Variants in BCLAF1 observed in about 807,000 individuals in gnomAD.
BCLAF1 encodes bcl-2-associated transcription factor 1.
A neutral mutation model predicts 99.5 loss-of-function variants in BCLAF1; 10 were observed. The observed-to-expected ratio is 0.10, with a 90% CI of 0.06 to 0.17. The LOEUF (loss-of-function observed/expected upper bound fraction) is 0.17. Among genes scored for constraint, BCLAF1 ranks in the 10% least tolerant of loss-of-function variants. The probability of loss-of-function intolerance (pLI) is 1.00; values close to 1 mark genes in which losing one functional copy is unlikely to be tolerated. For missense variants in BCLAF1, 636 were observed against 1,105.8 expected, an observed-to-expected ratio of 0.58 and a Z score of 6.02; for synonymous variants, 255 against 370.9, an observed-to-expected ratio of 0.69 and a Z score of 3.59.
chr6:136,269,024 T>G, intron 9 of BCLAF1: 1 of 759,860 alleles, frequency 1.3e-6, no homozygotes, highest in Non-Finnish European at 1.7e-6. Context: ...TTTCTAGTCC[T>G]TCCTCCCCCC....
Position 136,276,136 on chromosome 6 carries a change from C to T in BCLAF1, c.1389G>A (p.Glu463=), listed in dbSNP as rs762120986. 6.2e-7 allele frequency: 1 copy of T among 1,613,240 alleles called. No individual in the cohort carries two copies. The highest frequency in any genetic ancestry group is 1.1e-5 in the South Asian group (1 of 90,884). ...TAGGCCTTTCCACTACATATCCAGTCTCTTTAAGTTTATAATTTTTTTCTT... is the reference window on the plus strand; with the variant it reads ...TAGGCCTTTCCACTACATATCCAGTTTCTTTAAGTTTATAATTTTTTTCTT... ...FREEKNYKLK[E]TGYVVERPST... Residue 463 remains glutamate (E), a synonymous_variant, in exon 5 of 13, where the codon GAG becomes GAA. Transcript: ENST00000531224.
chr6:136,279,125 C>T (rs908782855), intron 3 of BCLAF1, among the ~76,000 whole-genome samples: 26 of 151,872 alleles, frequency 1.7e-4, no homozygotes, highest in African/African-American at 6.0e-4. Context: ...TATTTAATGG[C>T]ATGGCATAAT....
intron 11 of BCLAF1, among the ~76,000 whole-genome samples, chr6:136,263,498 C>A (rs1372028481): frequency 6.6e-6 from 1 of 152,024 alleles, no homozygotes; most frequent in East Asian, 1.9e-4. Context: ...AGTTTTATAT[C>A]GAAGATTTCA....
intron 2 of BCLAF1, among the ~76,000 whole-genome samples, chr6:136,281,664 C>A (rs991862026): frequency 6.6e-6 from 1 of 152,182 alleles, no homozygotes; most frequent in Non-Finnish European, 1.5e-5. Flanking sequence ...TTGTACTAAT[C>A]AGTAAATAAA....
At chr6:136,270,336 C>A (rs1183248227) in intron 8 of BCLAF1, 1 of 151,748 alleles carries the variant, frequency 6.6e-6, no homozygotes, top group Non-Finnish European at 1.5e-5. Flanking sequence ...CTTCTTGTTC[C>A]ATTGCTTTTT....
Position 136,279,841 on chromosome 6 carries a change from T to C in BCLAF1, c.26A>G (p.His9Arg), listed in dbSNP as rs370466556. The change falls in exon 3 of 13, where the codon CAT becomes CGT. Residue 9 changes from histidine to arginine, a missense_variant. His to Arg is a conservative substitution (Grantham distance 29, BLOSUM62 0). Around this residue, in one of 9 missense-constraint regions of BCLAF1, gnomAD observed 81 missense variants for 132.5 expected, o/e 0.61. Coordinates refer to ENST00000531224, the MANE Select transcript of BCLAF1 (RefSeq NM_014739.3). MGRSNSRS[H>R]SSRSKSRSQS... is the part of the protein sequence containing the mutation. ...TGATCTAGACTTTGACCTTGAAGAATGTGATCTAGAATTGGAGCGACCCAT... is the reference window on the plus strand; with the variant it reads ...TGATCTAGACTTTGACCTTGAAGAACGTGATCTAGAATTGGAGCGACCCAT... The C allele has an allele frequency of 6.4e-7, 1 of 1,560,668 alleles. No individual in the cohort carries two copies. The highest frequency in any genetic ancestry group is 1.4e-5 in the African/African-American group (1 of 73,890).
At chr6:136,269,384 TA>T in intron 9 of BCLAF1, 52 bp downstream of exon 9, 1 of 1,578,950 alleles carries the variant, frequency 6.3e-7, no homozygotes, top group Non-Finnish European at 8.6e-7. Context: ...AGCTGACAAT[TA>T]TTAAAGGCTA....
intron 8 of BCLAF1, among the ~76,000 whole-genome samples, chr6:136,270,836 C>T (rs928497061): frequency 1.4e-4 from 21 of 151,780 alleles, no homozygotes; most frequent in African/African-American, 4.8e-4. Flanking sequence ...ACTGTCAGAG[C>T]ACGAGGACAG....
chr6:136,286,735 A>C (rs1785182625), intron 1 of BCLAF1, among the ~76,000 whole-genome samples: 2 of 152,176 alleles, frequency 1.3e-5, no homozygotes, highest in Non-Finnish European at 1.5e-5. Flanking sequence ...TGGGAGGGCG[A>C]GGCGGGCGGA....
At chr6:136,270,839 G>C (rs1216769420) in intron 8 of BCLAF1, among the ~76,000 whole-genome samples, 1 of 151,746 alleles carries the variant, frequency 6.6e-6, no homozygotes, top group African/African-American at 2.4e-5. Context: ...GTCAGAGCAC[G>C]AGGACAGACT....
intron 6 of BCLAF1, chr6:136,273,935 G>C (rs1044751518): frequency 5.2e-6 from 6 of 1,154,662 alleles, no homozygotes; most frequent in South Asian, 3.4e-5. Context: ...CTGCTTAACA[G>C]GTCAACATAC....
At chr6:136,269,124 C>T (rs776889159) in intron 9 of BCLAF1, 202 of 1,188,106 alleles carry the variant, frequency 1.7e-4, no homozygotes, top group Non-Finnish European at 2.0e-4. Flanking sequence ...TCAAGCATAA[C>T]GAACCAAAGT....
intron 1 of BCLAF1, among the ~76,000 whole-genome samples, chr6:136,288,185 G>C (rs1183392800): frequency 6.6e-6 from 1 of 152,152 alleles, no homozygotes; most frequent in Non-Finnish European, 1.5e-5. Flanking sequence ...AGATATTTCA[G>C]TATTCACCAC....
rs1780856215 is a variant in BCLAF1 at position 136,260,758 on chromosome 6, A to T, written c.*352T>A. ...GTAGAGCTAACGTTTACTTCAGAAT[A>T]AAACATTGACAAACAGGGAAGGAAG... is the stretch of plus-strand genomic sequence containing the variant. On this transcript the variant is annotated 3_prime_UTR_variant, in exon 13 of 13. Coordinates refer to ENST00000531224, the MANE Select transcript of BCLAF1 (RefSeq NM_014739.3). 8.8e-6 allele frequency: 3 copies of T among 341,134 alleles called. No individual in the cohort carries two copies. 21.1% of individuals were successfully genotyped at this position (341,134 alleles called of 1,614,324 possible). A position where few individuals can be genotyped will look rare whatever the true frequency, so the allele number is the denominator to read the frequency against.
chr6:136,276,576 A>T, intron 4 of BCLAF1, 68 bp from the exon 5 acceptor site: 1 of 1,490,344 alleles, frequency 6.7e-7, no homozygotes, highest in East Asian at 2.3e-5. Context: ...TCCATATTTA[A>T]ATGTGTTGCC....
chr6:136,260,370 A>C lies in BCLAF1; in HGVS notation c.*740T>G, dbSNP rs530859476. On this transcript the variant is annotated 3_prime_UTR_variant, in exon 13 of 13. Coordinates refer to ENST00000531224, the MANE Select transcript of BCLAF1 (RefSeq NM_014739.3). ...GCTAATATCTAAGACCATGACTCAAACTATCAAATAGGAATAGAAAGAGAA... is the reference window on the plus strand; with the variant it reads ...GCTAATATCTAAGACCATGACTCAACCTATCAAATAGGAATAGAAAGAGAA... 1 of 152,158 alleles carries C rather than the reference A, an allele frequency of 6.6e-6. No homozygotes were observed. Among genetic ancestry groups the C allele is most frequent in the East Asian group, 1.9e-4 (1 of 5,184 alleles). The allele number at this position is 152,158 out of a possible 1,614,324, so 9.4% of individuals were successfully genotyped here.
chr6:136,271,822 T>G lies in BCLAF1; in HGVS notation c.2043+173A>C, dbSNP rs1403509821. Reference sequence around the variant, plus strand: ...TGGTTTAAATTTAAGACACTTAGTATAGTGTCACCTTAATTTCTTCCAGGA... The same window carrying G: ...TGGTTTAAATTTAAGACACTTAGTAGAGTGTCACCTTAATTTCTTCCAGGA... On this transcript the variant is annotated intron_variant, in intron 8 of 12. Coordinates refer to ENST00000531224, the MANE Select transcript of BCLAF1 (RefSeq NM_014739.3). The G allele has an allele frequency of 9.8e-6, 5 of 510,160 alleles. No homozygotes were observed. The East Asian group carries it at 1.4e-4, about 14-fold the overall frequency. 31.6% of individuals were successfully genotyped at this position (510,160 alleles called of 1,614,324 possible).
At chr6:136,273,497 A>G (rs758064758) in intron 6 of BCLAF1, 27 of 239,004 alleles carry the variant, frequency 1.1e-4, no homozygotes, top group Non-Finnish European at 1.7e-4. Flanking sequence ...AACATAATCT[A>G]TGGATGCTCT....
Position 136,278,392 on chromosome 6 carries a change from T to C in BCLAF1, c.489A>G (p.Glu163=). Residue 163 remains glutamate, a synonymous_variant, in exon 4 of 13, where the codon GAA becomes GAG. Coordinates refer to ENST00000531224, the MANE Select transcript of BCLAF1 (RefSeq NM_014739.3). ...SPVSKRRGSQ[E]KQTKKAEGEP... is the part of the protein sequence containing the mutation. Reference sequence around the variant, plus strand: ...CCCCTTCAGCTTTTTTGGTTTGTTTTTCCTGAGACCCTCGTCTTTTAGAAA... The same window carrying C: ...CCCCTTCAGCTTTTTTGGTTTGTTTCTCCTGAGACCCTCGTCTTTTAGAAA... 6.2e-7 allele frequency: 1 copy of C among 1,612,854 alleles called. No homozygotes were observed. The highest frequency in any genetic ancestry group is 2.2e-5 in the East Asian group (1 of 44,884).
Sources: gnomAD v4.1 joint callset for allele counts (sites outside exome capture counted in the v4.1 genomes callset) on GRCh38, gnomAD v4.1.1 for gene constraint, gnomAD v4.1.1 regional missense constraint, MANE v1.5 for transcripts, NCBI Gene and HGNC (gene_info 2026-07-23, HGNC 2026-07-21) for gene names.